The following PALM variants were observed in gnomAD, a reference collection of about 807,000 sequenced individuals.
PALM encodes paralemmin, also known as paralemmin-1.
Under a neutral mutation model 30.7 loss-of-function variants are expected in PALM, and 18 were observed. That is an observed-to-expected ratio of 0.59 (90% confidence interval 0.41 to 0.87). The LOEUF (loss-of-function observed/expected upper bound fraction) is 0.87, where lower values mean the gene tolerates loss of function less well. Among genes scored for constraint, PALM ranks in the 40% least tolerant of loss-of-function variants. The pLI is 0.00. For synonymous variants in PALM, 286 were observed against 242.8 expected (o/e 1.18, Z -1.66); for missense variants, 529 against 555.4 (o/e 0.95, Z 0.48).
rs1188174417 is a variant in PALM, at chr19:709,949, G to A, written c.5+798G>A. ...GCCAGTGGAGGCACCGAGCGAGGGC[G>A]CGTGGTCATTTCGGACACCGGTCCC... On this transcript the variant is annotated intron_variant, in intron 1 of 8. Coordinates refer to ENST00000338448, the MANE Select transcript of PALM (RefSeq NM_002579.3). The surrounding 1 kb of genome is among the most constrained non-coding windows in gnomAD (Gnocchi z 4.3). 1.3e-5 allele frequency among the ~76,000 whole-genome samples: 2 copies of A among 152,116 alleles called. No individual in the cohort carries two copies. The highest frequency in any genetic ancestry group is 2.9e-5 in the Non-Finnish European group (2 of 68,004).
At chr19:719,257 T>C in intron 1 of PALM, 5 of 985,454 alleles carry the variant, frequency 5.1e-6, no homozygotes, top group Non-Finnish European at 6.0e-6. Context: ...ACCTTGGCCG[T>C]TGCGTAACCT....
intron 1 of PALM, among the ~76,000 whole-genome samples, chr19:723,227 A>G (rs1320367065): frequency 6.6e-6 from 1 of 152,128 alleles, no homozygotes; most frequent in Non-Finnish European, 1.5e-5. Flanking sequence ...ACTGAGGCCC[A>G]GAGAGGCACG....
rs762295376 is a variant in PALM at position 740,386 on chromosome 19, C to G, written c.537C>G (p.Asp179Glu). ...MYSVEITVEK[D>E]KVTGETRVLS... ...CGGTTGAGATCACTGTGGAGAAGGA[C>G]AAGGTGACAGGGGAGACCAGGGTGC... Residue 179 changes from aspartate (D) to glutamate (E), a missense_variant, in exon 8 of 9, where the codon GAC (aspartate) becomes GAG (glutamate). Transcript: ENST00000338448. The G allele has an allele frequency of 1.3e-6, 2 of 1,563,056 alleles. No homozygotes were observed. Among genetic ancestry groups the G allele is most frequent in the South Asian group, 1.2e-5 (1 of 84,838 alleles).
At chr19:727,438 A>C in intron 3 of PALM, 126 bp from the exon 4 acceptor site, 3 of 737,334 alleles carry the variant, frequency 4.1e-6, no homozygotes, top group Non-Finnish European at 6.9e-6. Flanking sequence ...GATCCCAACC[A>C]TAACCCTGAC....
chr19:733,361 C>T (rs190779582), intron 5 of PALM, among the ~76,000 whole-genome samples: 23 of 152,306 alleles, frequency 1.5e-4, no homozygotes, highest in African/African-American at 5.5e-4. Flanking sequence ...ACGGGCACAC[C>T]CAGTGACGTG....
At chr19:727,486 T>C in intron 3 of PALM, 78 bp from the exon 4 acceptor site, 2 of 1,238,134 alleles carry the variant, frequency 1.6e-6, no homozygotes, top group Non-Finnish European at 2.3e-6. Context: ...ACCCTGATCC[T>C]GACCCTGACC....
chr19:744,370 A>G (rs2033275400), intron 8 of PALM, among the ~76,000 whole-genome samples: 1 of 149,120 alleles, frequency 6.7e-6, no homozygotes, highest in Non-Finnish European at 1.5e-5. Context: ...ACTGCACTCC[A>G]GCCTGGGCGA....
chr19:728,306 T>C (rs1314617770), intron 4 of PALM, among the ~76,000 whole-genome samples: 1 of 151,984 alleles, frequency 6.6e-6, no homozygotes, highest in Non-Finnish European at 1.5e-5. Flanking sequence ...TGGAGGGAAG[T>C]GACGACCAAG....
intron 5 of PALM, among the ~76,000 whole-genome samples, chr19:732,921 G>A (rs751516827): frequency 2.6e-5 from 4 of 151,312 alleles, no homozygotes; most frequent in South Asian, 2.1e-4. Context: ...CCTGGAGGAC[G>A]TGGGGTGGTT....
intron 1 of PALM, among the ~76,000 whole-genome samples, chr19:714,645 A>G (rs909163731): frequency 8.6e-5 from 13 of 151,646 alleles, no homozygotes; most frequent in Admixed American, 8.6e-4. Context: ...GGCGTGAGCC[A>G]CCGCGCCCAG....
Position 746,904 on chromosome 19 carries a change from C to A in PALM, c.*90C>A. The A allele has an allele frequency of 1.4e-6, 1 of 710,580 alleles. No individual in the cohort carries two copies. The highest frequency in any genetic ancestry group is 2.3e-6 in the Non-Finnish European group (1 of 435,766). The allele number at this position is 710,580 out of a possible 1,614,324, so 44.0% of individuals were successfully genotyped here. ...GCGCCTGCCCACCCTCCACCCACAG[C>A]CTCACGGGTCCAGGACTTGGCGTGT... On this transcript the variant is annotated 3_prime_UTR_variant, in exon 9 of 9. Coordinates refer to ENST00000338448, the MANE Select transcript of PALM (RefSeq NM_002579.3). The surrounding 1 kb of genome is among the most constrained non-coding windows in gnomAD (Gnocchi z 7.1).
intron 3 of PALM, 131 bp downstream of exon 3, chr19:727,219 TGACCCCGACCCTGACCCCGACCCC>T (rs1173503385): frequency 7.0e-5 from 45 of 642,866 alleles, no homozygotes; most frequent in Non-Finnish European, 1.0e-4. Flanking sequence ...GCCCTGACCC[TGACCCCGACCCTGACCCCGACCCC>T]GACCCCGACC....
intron 2 of PALM, among the ~76,000 whole-genome samples, chr19:726,661 C>A (rs2032671489): frequency 6.6e-6 from 1 of 152,152 alleles, no homozygotes; most frequent in Admixed American, 6.5e-5. Context: ...CGCCACGACG[C>A]TGGGCTAATT....
chr19:728,831 G>A (rs1411886549), intron 4 of PALM, among the ~76,000 whole-genome samples: 3 of 151,764 alleles, frequency 2.0e-5, no homozygotes, highest in Admixed American at 1.3e-4. Context: ...GTGAAACCCC[G>A]TCTCTACTAA....
chr19:733,662 C>T (rs372086991), intron 5 of PALM, among the ~76,000 whole-genome samples: 37 of 152,266 alleles, frequency 2.4e-4, no homozygotes, highest in African/African-American at 6.5e-4. Context: ...CTGCGGGAGC[C>T]GCTGATGCGG....
At chr19:722,119 C>G (rs372913756) in intron 1 of PALM, among the ~76,000 whole-genome samples, 1 of 150,660 alleles carries the variant, frequency 6.6e-6, no homozygotes, top group African/African-American at 2.5e-5. Context: ...GGGGTTTCAC[C>G]GTGTTAGCCA....
chr19:720,159 C>A (rs912929597), intron 1 of PALM, among the ~76,000 whole-genome samples: 9 of 151,874 alleles, frequency 5.9e-5, no homozygotes, highest in Non-Finnish European at 1.0e-4. Context: ...CGGCCCCCCC[C>A]AATCCCCCCA....
chr19:730,939 T>G (rs1335819530), intron 4 of PALM, among the ~76,000 whole-genome samples, 156 bp from the exon 5 acceptor site: 1 of 151,796 alleles, frequency 6.6e-6, no homozygotes, highest in Non-Finnish European at 1.5e-5. Flanking sequence ...AGGTGGAGGT[T>G]GCAGCGAGCC....
At chr19:736,584 T>A (rs986905044) in intron 7 of PALM, among the ~76,000 whole-genome samples, 12 of 152,054 alleles carry the variant, frequency 7.9e-5, no homozygotes, top group Admixed American at 7.9e-4. Flanking sequence ...TGCCACACGG[T>A]GCTCAAGTCA....
Sources: gnomAD v4.1 joint callset for allele counts (sites outside exome capture counted in the v4.1 genomes callset) on GRCh38, gnomAD v4.1.1 for gene constraint, Gnocchi (gnomAD v3.1) non-coding constraint, MANE v1.5 for transcripts, NCBI Gene and HGNC (gene_info 2026-07-23, HGNC 2026-07-21) for gene names.